Variants in RASGRP1 observed in about 807,000 individuals in gnomAD.
The protein encoded by RASGRP1 is RAS guanyl releasing protein 1.
Under a neutral mutation model 95.1 loss-of-function variants are expected in RASGRP1, and 37 were observed. That is an observed-to-expected ratio of 0.39 (90% CI 0.30 to 0.51). The LOEUF is 0.51. RASGRP1 is among the 20% of genes least tolerant of loss of function. The probability of loss-of-function intolerance (pLI) is 0.80; values close to 1 mark genes in which losing one functional copy is unlikely to be tolerated. For missense variants in RASGRP1, 711 were observed against 965.4 expected (o/e 0.74, Z 3.49); for synonymous variants, 325 against 353.4 (o/e 0.92, Z 0.90).
chr15:38,511,639 C>T lies in RASGRP1; in HGVS notation c.931G>A (p.Glu311Lys). 1 of 1,613,594 alleles carries T rather than the reference C, an allele frequency of 6.2e-7. No homozygotes were observed. The highest frequency in any genetic ancestry group is 1.1e-5 in the South Asian group (1 of 91,072). The change falls in exon 8 of 17, where the codon GAG becomes AAG. Residue 311 changes from glutamate (E) to lysine (K), a missense_variant. By Grantham distance (56) the Glu-to-Lys change is moderately conservative (BLOSUM62 1). Around this residue, in one of 3 missense-constraint regions of RASGRP1, gnomAD observed 491 missense variants for 676.6 expected, o/e 0.73. Transcript: ENST00000310803. ...TCATGTGGGACATGCGAACTTGTCTCCTTGAGCCTCGAGATTGAGCTGTGA... is the reference window on the plus strand; with the variant it reads ...TCATGTGGGACATGCGAACTTGTCTTCTTGAGCCTCGAGATTGAGCTGTGA... ...LCHSSISRLKETSSHVPHEIN... is the reference protein window; with the variant it reads ...LCHSSISRLKKTSSHVPHEIN...
intron 2 of RASGRP1, among the ~76,000 whole-genome samples, chr15:38,541,073 C>A (rs555998528): frequency 6.6e-6 from 1 of 152,166 alleles, no homozygotes; most frequent in Admixed American, 6.5e-5. Context: ...GGCAACCAAC[C>A]CCACACACGG....
chr15:38,498,772 A>C, intron 15 of RASGRP1, 22 bp downstream of exon 15: 1 of 1,605,150 alleles, frequency 6.2e-7, no homozygotes, highest in Non-Finnish European at 8.5e-7. Context: ...TTCCAAGATG[A>C]ATGTTCCCAG....
At chr15:38,554,831 C>T (rs572397094) in intron 2 of RASGRP1, among the ~76,000 whole-genome samples, 3 of 152,316 alleles carry the variant, frequency 2.0e-5, no homozygotes, top group African/African-American at 4.8e-5. Flanking sequence ...CGACTACTAG[C>T]GACTGGGAGG....
At position 38,503,914 on chromosome 15, in the gene RASGRP1, T is replaced by TA. The variant is rs1400709830; in HGVS notation, c.1324-539dup. ...TTGTATGAGCACCACAGTGTGTACT[T>TA]ACACAAACCTAGATGGTATAGCCTG... On this transcript the variant is annotated intron_variant, in intron 10 of 16. Transcript: ENST00000310803. The TA allele has an allele frequency of 7.0e-5, 12 of 172,098 alleles. No homozygotes were observed. In the East Asian group the frequency reaches 2.0e-3, roughly 29 times the overall value. The allele number at this position is 172,098 out of a possible 1,614,324, so 10.7% of individuals were successfully genotyped here.
intron 2 of RASGRP1, among the ~76,000 whole-genome samples, chr15:38,547,356 T>C (rs1893143107): frequency 6.6e-6 from 1 of 152,166 alleles, no homozygotes; most frequent in South Asian, 2.1e-4. Flanking sequence ...CCAAATGTGC[T>C]GCAAACTTAA....
chr15:38,554,136 A>T (rs1893449461), intron 2 of RASGRP1, among the ~76,000 whole-genome samples: 1 of 127,974 alleles, frequency 7.8e-6, no homozygotes, highest in South Asian at 2.3e-4. Flanking sequence ...AAAGTTGGAG[A>T]ATCTCTGGAG....
chr15:38,506,924 C>T (rs538065996), intron 9 of RASGRP1, among the ~76,000 whole-genome samples: 42 of 152,278 alleles, frequency 2.8e-4, no homozygotes, highest in Non-Finnish European at 1.5e-5. Flanking sequence ...CCAAGGTCAC[C>T]TGGCTAATAA....
At position 38,502,294 on chromosome 15, in the gene RASGRP1, C is replaced by CTAAG. The variant is rs1477156976; in HGVS notation, c.1538+14_1538+17dup. 2 of 1,527,104 alleles carry CTAAG rather than the reference C, an allele frequency of 1.3e-6. No homozygotes were observed. Among genetic ancestry groups the CTAAG allele is most frequent in the Admixed American group, 1.7e-5 (1 of 59,396 alleles). 94.6% of individuals were successfully genotyped at this position (1,527,104 alleles called of 1,614,324 possible). On this transcript the variant is annotated intron_variant, in intron 12 of 16. Coordinates refer to ENST00000310803, the MANE Select transcript of RASGRP1 (RefSeq NM_005739.4). ...CCAATGGGCTCATAACCACATATTC[C>CTAAG]TAAGTACAAACCCTCACCTGTCTTT...
rs1317517406 is a variant in RASGRP1 at position 38,564,725 on chromosome 15, C to A, written c.-97G>T. On this transcript the variant is annotated 5_prime_UTR_variant, in exon 1 of 17. Transcript: ENST00000310803. Reference sequence around the variant, plus strand: ...CGCCGCCGCCTGCCGGCTCTCTCCCCCCCGGGCCTCGTAGCCCCGGCGCCC... The same window carrying A: ...CGCCGCCGCCTGCCGGCTCTCTCCCACCCGGGCCTCGTAGCCCCGGCGCCC... 2 of 1,058,768 alleles carry A rather than the reference C, an allele frequency of 1.9e-6. No homozygotes were observed. Among genetic ancestry groups the A allele is most frequent in the Admixed American group, 4.8e-5 (1 of 20,806 alleles). The allele number at this position is 1,058,768 out of a possible 1,614,324, so 65.6% of individuals were successfully genotyped here.
chr15:38,559,946 T>C lies in RASGRP1; in HGVS notation c.95A>G (p.Asn32Ser), dbSNP rs1466440887. 1 of 1,613,620 alleles carries C rather than the reference T, an allele frequency of 6.2e-7. No individual in the cohort carries two copies. The highest frequency in any genetic ancestry group is 1.7e-5 in the Admixed American group (1 of 60,012). The part of the protein sequence containing the change: ...SKARLEAKPA[N>S]SPFPSHPSLA... ...GCTGGGATGGGAGGGGAAGGGGCTG[T>C]TGGCTGGCTTTGCCTCTAGTCTTGC... The change falls in exon 2 of 17, where the codon AAC becomes AGC. Residue 32 changes from asparagine to serine, a missense_variant. By Grantham distance (46) the Asn-to-Ser change is conservative. Around this residue, in one of 3 missense-constraint regions of RASGRP1, gnomAD observed 491 missense variants for 676.6 expected, o/e 0.73. Transcript: ENST00000310803.
intron 2 of RASGRP1, among the ~76,000 whole-genome samples, chr15:38,546,211 C>CTTTA (rs147123769): frequency 6.0e-5 from 9 of 149,650 alleles, no homozygotes; most frequent in South Asian, 2.1e-4. Flanking sequence ...TAAATTATAA[C>CTTTA]TTTATTTATT....
chr15:38,526,013 C>G (rs1892205257), intron 3 of RASGRP1, among the ~76,000 whole-genome samples: 1 of 152,140 alleles, frequency 6.6e-6, no homozygotes, highest in African/African-American at 2.4e-5. Flanking sequence ...TTTGCACACT[C>G]TACAGAAAAA....
chr15:38,548,096 G>GA (rs1450383157), intron 2 of RASGRP1, among the ~76,000 whole-genome samples: 1 of 151,432 alleles, frequency 6.6e-6, no homozygotes, highest in South Asian at 2.1e-4. Flanking sequence ...TTCATGATGT[G>GA]TAACCAAAGT....
chr15:38,549,132 A>G (rs1893226981), intron 2 of RASGRP1, among the ~76,000 whole-genome samples: 1 of 152,132 alleles, frequency 6.6e-6, no homozygotes, highest in Non-Finnish European at 1.5e-5. Flanking sequence ...GCAGTAATTC[A>G]CAGTCTGGAC....
At chr15:38,508,528 T>G (rs1384646348) in intron 8 of RASGRP1, among the ~76,000 whole-genome samples, 2 of 152,200 alleles carry the variant, frequency 1.3e-5, no homozygotes, top group Non-Finnish European at 2.9e-5. Context: ...TTGTGTGTTA[T>G]TCTCTATGAG....
At position 38,498,898 on chromosome 15, in the gene RASGRP1, T is replaced by G; in HGVS notation, c.1769A>C (p.Glu590Ala). The G allele has an allele frequency of 6.2e-7, 1 of 1,613,936 alleles. No individual in the cohort carries two copies. The highest frequency in any genetic ancestry group is 8.5e-7 in the Non-Finnish European group (1 of 1,179,874). Residue 590 changes from glutamate to alanine, a missense_variant, in exon 15 of 17, where the codon GAG becomes GCG. Physicochemically the swap from Glu to Ala is moderately radical, Grantham distance 107 (BLOSUM62 -1). Coordinates refer to ENST00000310803, the MANE Select transcript of RASGRP1 (RefSeq NM_005739.4). ...TGGGTTCTTGGCTCGCTTCTTACAC[T>G]CAAACACAACCAGATCTTTGCATTG... ...HKQCKDLVVF[E>A]CKKRAKNPVA...
rs1298114859 is a variant in RASGRP1, at chr15:38,548,135, CCTT to C, written c.220+11683_220+11685del. On this transcript the variant is annotated intron_variant, in intron 2 of 16. Transcript: ENST00000310803. Reference sequence around the variant, plus strand: ...CATTTTCATTCTTTATTTTCCTCTCCCTTCTTTAAAACAGACACAGCCACTCTA... The same window carrying C: ...CATTTTCATTCTTTATTTTCCTCTCCCTTTAAAACAGACACAGCCACTCTA... Among the ~76,000 whole-genome samples the C allele has an allele frequency of 3.9e-5, 6 of 152,204 alleles. No individual in the cohort carries two copies. In the East Asian group the frequency reaches 1.2e-3, roughly 29 times the overall value.
rs1435114412 is a variant in RASGRP1 at position 38,542,842 on chromosome 15, TATATATGTGTATATATATACAC to T, written c.221-16460_221-16439del. ...ATATATACATATATATGTGTATATATATATATGTGTATATATATACACATATATGTGTATATATATACACATA... is the reference window on the plus strand; with the variant it reads ...ATATATACATATATATGTGTATATATATATATGTGTATATATATACACATA... On this transcript the variant is annotated intron_variant, in intron 2 of 16. Transcript: ENST00000310803. Among the ~76,000 whole-genome samples, 2,839 of 115,166 alleles carry T rather than the reference TATATATGTGTATATATATACAC, an allele frequency of 0.025. 181 individuals are homozygous for T. In the East Asian group the frequency reaches 0.27, roughly 11 times the overall value. The allele number at this position is 115,166 out of a possible 152,430, so 75.6% of individuals were successfully genotyped here. A position where few individuals can be genotyped will look rare whatever the true frequency, so the allele number is the denominator to read the frequency against.
intron 3 of RASGRP1, among the ~76,000 whole-genome samples, chr15:38,524,674 G>C (rs543943775): frequency 5.8e-4 from 88 of 152,302 alleles, no homozygotes; most frequent in African/African-American, 2.1e-3. Context: ...ATTGGAGATA[G>C]TGAGTGTAGA....
Sources: allele counts gnomAD v4.1 joint callset (sites outside exome capture counted in the v4.1 genomes callset), GRCh38; gene constraint gnomAD v4.1.1; regional missense constraint gnomAD v4.1.1; transcripts MANE v1.5; gene names NCBI Gene and HGNC (gene_info 2026-07-23, HGNC 2026-07-21).